Variants in PTPN13 observed in about 807,000 individuals in gnomAD.
The protein encoded by PTPN13 is tyrosine-protein phosphatase non-receptor type 13.
Under a neutral mutation model 284.0 loss-of-function variants are expected in PTPN13, and 191 were observed. The observed-to-expected ratio is 0.67, with a 90% CI of 0.60 to 0.76. The LOEUF is 0.76. PTPN13 is among the 30% of genes least tolerant of loss of function. The pLI, the probability that PTPN13 is intolerant of heterozygous loss-of-function variation, is 0.00. For missense variants in PTPN13, 2,797 were observed against 2,939.9 expected (o/e 0.95, Z 1.12); for synonymous variants, 986 against 1,022.3 (o/e 0.96, Z 0.68).
chr4:86,775,267 C>A lies in PTPN13; in HGVS notation c.5605C>A (p.Leu1869Ile). Residue 1869 changes from leucine (L) to isoleucine (I), a missense_variant, in exon 34 of 48, where the codon CTA becomes ATA. Coordinates refer to ENST00000411767, the MANE Select transcript of PTPN13 (RefSeq NM_080683.3). Reference protein sequence around the residue: ...KTVRLVIGRVLELPRIPMLPH... With the variant: ...KTVRLVIGRVIELPRIPMLPH... Reference sequence around the variant, plus strand: ...AGTCAGATTAGTTATTGGACGAGTTCTAGAATTACCCAGAATACCAATGTT... The same window carrying A: ...AGTCAGATTAGTTATTGGACGAGTTATAGAATTACCCAGAATACCAATGTT... 1 of 1,613,660 alleles carries A rather than the reference C, an allele frequency of 6.2e-7. No homozygotes were observed. The highest frequency in any genetic ancestry group is 8.5e-7 in the Non-Finnish European group (1 of 1,179,688).
intron 10 of PTPN13, among the ~76,000 whole-genome samples, chr4:86,728,718 T>C (rs1734607840): frequency 7.1e-6 from 1 of 141,390 alleles, no homozygotes; most frequent in African/African-American, 2.6e-5. Context: ...GTCCCTTTAT[T>C]TTGAGCCTAT....
At chr4:86,685,427 A>G (rs555467578) in intron 3 of PTPN13, among the ~76,000 whole-genome samples, 2 of 152,256 alleles carry the variant, frequency 1.3e-5, no homozygotes, top group East Asian at 1.9e-4. Context: ...TTGACAATAT[A>G]GTGAGATCCC....
intron 5 of PTPN13, among the ~76,000 whole-genome samples, chr4:86,692,925 C>A (rs1295338265): frequency 6.6e-6 from 1 of 151,900 alleles, no homozygotes; most frequent in Non-Finnish European, 1.5e-5. Flanking sequence ...ACTTAAAATA[C>A]AAAAATTAGC....
intron 3 of PTPN13, among the ~76,000 whole-genome samples, chr4:86,677,148 T>C (rs1372491474): frequency 6.6e-6 from 1 of 151,588 alleles, no homozygotes; most frequent in East Asian, 2.0e-4. Flanking sequence ...GCACCAGTAG[T>C]CCCAGCTACT....
rs1724598552 is a variant in PTPN13 at position 86,647,681 on chromosome 4, G to A, written c.115+12310G>A. Among the ~76,000 whole-genome samples the A allele has an allele frequency of 2.6e-5, 4 of 152,050 alleles. No individual in the cohort carries two copies. The South Asian group carries it at 8.3e-4, about 32-fold the overall frequency. Reference sequence around the variant, plus strand: ...CAAATAGGACTGTATCAAAGATAGGGTTTTCAAAGACCTTATAATGTTAAA... The same window carrying A: ...CAAATAGGACTGTATCAAAGATAGGATTTTCAAAGACCTTATAATGTTAAA... On this transcript the variant is annotated intron_variant, in intron 2 of 47. Transcript: ENST00000411767.
intron 5 of PTPN13, among the ~76,000 whole-genome samples, chr4:86,692,798 G>A (rs932679262): frequency 2.0e-5 from 3 of 151,954 alleles, no homozygotes; most frequent in Non-Finnish European, 4.4e-5. Context: ...AGCATTTCTC[G>A]GCCAGGCATA....
intron 24 of PTPN13, among the ~76,000 whole-genome samples, chr4:86,763,968 A>G (rs1323295814): frequency 1.3e-5 from 2 of 152,186 alleles, no homozygotes; most frequent in East Asian, 3.8e-4. Context: ...ACTCAAATTC[A>G]CAAGCAGTTT....
At chr4:86,704,682 T>TA (rs996275705) in intron 7 of PTPN13, among the ~76,000 whole-genome samples, 20 of 151,890 alleles carry the variant, frequency 1.3e-4, no homozygotes, top group African/African-American at 2.7e-4. Flanking sequence ...AAAAGCTTTT[T>TA]AAAAAAAAAT....
At chr4:86,680,391 ATCTATCTATC>A (rs1445163203) in intron 3 of PTPN13, among the ~76,000 whole-genome samples, 3 of 148,862 alleles carry the variant, frequency 2.0e-5, no homozygotes, top group Admixed American at 6.7e-5. Flanking sequence ...CTATCTATCT[ATCTATCTATC>A]TCTATCTCTA....
chr4:86,731,609 T>G (rs1734965314), intron 10 of PTPN13, among the ~76,000 whole-genome samples: 1 of 152,280 alleles, frequency 6.6e-6, no homozygotes, highest in African/African-American at 2.4e-5. Context: ...GTAGATGTCT[T>G]TTAACTATGA....
chr4:86,616,659 C>T (rs912104686), intron 1 of PTPN13, among the ~76,000 whole-genome samples: 1 of 151,952 alleles, frequency 6.6e-6, no homozygotes, highest in Non-Finnish European at 1.5e-5. Flanking sequence ...TGTGACACCT[C>T]CCCACCCACT....
chr4:86,604,061 G>A (rs1200804132), intron 1 of PTPN13, among the ~76,000 whole-genome samples: 3 of 151,874 alleles, frequency 2.0e-5, no homozygotes, highest in African/African-American at 7.2e-5. Flanking sequence ...TAAGTGTTTA[G>A]CTTTTGTGAA....
At chr4:86,807,302 C>A (rs1318442576) in intron 44 of PTPN13, among the ~76,000 whole-genome samples, 1 of 151,958 alleles carries the variant, frequency 6.6e-6, no homozygotes, top group Non-Finnish European at 1.5e-5. Context: ...TCAACTAAAT[C>A]TATGTAAATA....
chr4:86,686,860 G>A (rs1318265788), intron 4 of PTPN13, 85 bp downstream of exon 4: 6 of 914,164 alleles, frequency 6.6e-6, no homozygotes, highest in African/African-American at 5.1e-5. Context: ...ACGTTTATAC[G>A]TGTTCTACAG....
intron 7 of PTPN13, among the ~76,000 whole-genome samples, chr4:86,707,073 C>T (rs1050187153): frequency 2.6e-5 from 4 of 152,156 alleles, no homozygotes; most frequent in Non-Finnish European, 1.5e-5. Flanking sequence ...ATCCATTGCT[C>T]TGTGGGTTGG....
intron 24 of PTPN13, 114 bp from the exon 25 acceptor site, chr4:86,764,479 G>T (rs1479209339): frequency 1.5e-5 from 12 of 779,440 alleles, no homozygotes; most frequent in Admixed American, 7.6e-5. Flanking sequence ...AATTCATTTT[G>T]ATTCTAGCCA....
At chr4:86,716,098 C>G (rs899840988) in intron 7 of PTPN13, among the ~76,000 whole-genome samples, 2 of 152,168 alleles carry the variant, frequency 1.3e-5, no homozygotes, top group African/African-American at 4.8e-5. Context: ...CTTATAGAAT[C>G]TAACAGAGAA....
In PTPN13 at chr4:86,689,148, C is replaced by A; in HGVS notation, c.504C>A (p.Tyr168Ter). The A allele has an allele frequency of 1.2e-6, 2 of 1,613,584 alleles. No individual in the cohort carries two copies. The highest frequency in any genetic ancestry group is 1.7e-6 in the Non-Finnish European group (2 of 1,179,596). The change falls in exon 5 of 48, where the codon TAC (tyrosine) becomes TAA (stop). Residue 168 changes from tyrosine (Y) to a stop codon, truncating the protein, a stop_gained. Transcript: ENST00000411767. LOFTEE classifies it high-confidence loss of function. ...RNSNCAPSFS[Y>*]VKHLVKLVLG... ...GCAATTGTGCACCCTCATTTTCCTA[C>A]GTGAAACACTTGGTAAAACTGGTTC... is the stretch of plus-strand genomic sequence containing the variant.
chr4:86,775,207 G>A lies in PTPN13; in HGVS notation c.5545G>A (p.Asp1849Asn). 6.2e-7 allele frequency: 1 copy of A among 1,612,378 alleles called. No individual in the cohort carries two copies. The highest frequency in any genetic ancestry group is 1.1e-5 in the South Asian group (1 of 90,592). The change falls in exon 34 of 48, where the codon GAT (aspartate) becomes AAT (asparagine). Residue 1849 changes from aspartate to asparagine, a missense_variant. Physicochemically the swap from Asp to Asn is conservative, Grantham distance 23 (BLOSUM62 1). Coordinates refer to ENST00000411767, the MANE Select transcript of PTPN13 (RefSeq NM_080683.3). Reference protein sequence around the residue: ...DTDVTNMTHTDAVNLLRAASK... With the variant: ...DTDVTNMTHTNAVNLLRAASK... ...AGATGTTACTAATATGACTCATACA[G>A]ATGCAGTTAATCTGCTCCGGGCTGC... is the stretch of plus-strand genomic sequence containing the variant.
Sources: allele counts gnomAD v4.1 joint callset (sites outside exome capture counted in the v4.1 genomes callset), GRCh38; gene constraint gnomAD v4.1.1; transcripts MANE v1.5; gene names NCBI Gene and HGNC (gene_info 2026-07-23, HGNC 2026-07-21).